The following GAS6 variants were observed in gnomAD, a reference collection of about 807,000 sequenced individuals.
GAS6 encodes growth arrest-specific protein 6.
In GAS6, 41 loss-of-function variants were observed where a neutral mutation model predicts 75.8. That is an observed-to-expected ratio of 0.54 (90% CI 0.42 to 0.70). The LOEUF is 0.70. GAS6 is among the 30% of genes least tolerant of loss of function. The probability of loss-of-function intolerance (pLI) is 0.00; values close to 1 mark genes in which losing one functional copy is unlikely to be tolerated. For synonymous variants in GAS6, 432 were observed against 412.6 expected (o/e 1.05, Z -0.57); for missense variants, 854 against 940.2 (o/e 0.91, Z 1.20).
intron 10 of GAS6, among the ~76,000 whole-genome samples, chr13:113,830,156 T>C (rs1343603508): frequency 3.3e-5 from 5 of 152,248 alleles, no homozygotes; most frequent in Non-Finnish European, 7.3e-5. Context: ...TCCTTCTTCC[T>C]GTGTGAAAAC....
In GAS6 at chr13:113,842,593, C is replaced by T. The variant is rs1194960627; in HGVS notation, c.344-2743G>A. 1.8e-5 allele frequency: 7 copies of T among 396,836 alleles called. 1 individual carries two copies. Among genetic ancestry groups the T allele is most frequent in the African/African-American group, 8.5e-5 (4 of 47,032 alleles). The allele number at this position is 396,836 out of a possible 1,614,324, so 24.6% of individuals were successfully genotyped here. ...TGGCCTGAACTAGAGAAATGAGGGGCGTATCCGCTTCTCCACCCTGGCCTC... is the reference window on the plus strand; with the variant it reads ...TGGCCTGAACTAGAGAAATGAGGGGTGTATCCGCTTCTCCACCCTGGCCTC... On this transcript the variant is annotated intron_variant, in intron 4 of 14. Coordinates refer to ENST00000327773, the MANE Select transcript of GAS6 (RefSeq NM_000820.4).
Position 113,838,201 on chromosome 13 carries a change from A to C in GAS6, c.467-10T>G. 1 of 1,612,160 alleles carries C rather than the reference A, an allele frequency of 6.2e-7. No homozygotes were observed. Among genetic ancestry groups the C allele is most frequent in the Non-Finnish European group, 8.5e-7 (1 of 1,179,762 alleles). ...CTGCATTCGTTGACATCTGGGAACA[A>C]GCACAGGCCTGAAGGGGAGCCCAAG... On this transcript the variant is annotated splice_polypyrimidine_tract_variant and intron_variant, in intron 5 of 14. Coordinates refer to ENST00000327773, the MANE Select transcript of GAS6 (RefSeq NM_000820.4).
Position 113,826,539 on chromosome 13 carries a change from C to CCAGCCT in GAS6, c.1477+456_1477+457insAGGCTG, listed in dbSNP as rs747292163. The stretch of plus-strand genomic sequence containing the variant: ...ACCTTCTCTCCCCGGCCTCCCGGCG[C>CCAGCCT]CGGCCTCGCAGGCACCTTCTCTCCC... On this transcript the variant is annotated intron_variant, in intron 12 of 14. Coordinates refer to ENST00000327773, the MANE Select transcript of GAS6 (RefSeq NM_000820.4). Among the ~76,000 whole-genome samples the CCAGCCT allele has an allele frequency of 2.0e-3, 121 of 60,144 alleles. 2 individuals carry two copies. The highest frequency in any genetic ancestry group is 0.012 in the African/African-American group (99 of 8,148). 39.5% of individuals were successfully genotyped at this position (60,144 alleles called of 152,430 possible). A position where few individuals can be genotyped will look rare whatever the true frequency, so the allele number is the denominator to read the frequency against.
chr13:113,843,201 T>G, intron 4 of GAS6: 1 of 220,300 alleles, frequency 4.5e-6, no homozygotes, highest in Non-Finnish European at 8.8e-6. Context: ...CTGATCCCCA[T>G]CCCGCAAGCT....
At chr13:113,859,257 T>C (rs765255360) in intron 2 of GAS6, among the ~76,000 whole-genome samples, 46 of 130,824 alleles carry the variant, frequency 3.5e-4, no homozygotes, top group Non-Finnish European at 5.2e-4. Flanking sequence ...TATGCATGTC[T>C]GTGTGACTGT....
chr13:113,830,782 C>T (rs1375480789), intron 10 of GAS6, among the ~76,000 whole-genome samples: 2 of 143,150 alleles, frequency 1.4e-5, no homozygotes, highest in African/African-American at 5.3e-5. Flanking sequence ...CGGGCCCCTC[C>T]TCCCCATGGC....
At position 113,832,644 on chromosome 13, in the gene GAS6, G is replaced by A; in HGVS notation, c.943C>T (p.Gln315Ter). The change falls in exon 9 of 15, where the codon CAG (glutamine) becomes TAG (stop). Residue 315 changes from glutamine (Q) to a stop codon, truncating the protein, a stop_gained. Coordinates refer to ENST00000327773, the MANE Select transcript of GAS6 (RefSeq NM_000820.4). LOFTEE classifies it high-confidence loss of function. ...PVIRLRFKRLQPTRLVAEFDF... is the reference protein window; with the variant it reads ...PVIRLRFKRL Reference sequence around the variant, plus strand: ...TGGACACCTCCTCACCTGGTGGGCTGCAGCCTCTTGAAGCGCAGTCGGATC... The same window carrying A: ...TGGACACCTCCTCACCTGGTGGGCTACAGCCTCTTGAAGCGCAGTCGGATC... 1 of 1,612,762 alleles carries A rather than the reference G, an allele frequency of 6.2e-7. No individual in the cohort carries two copies. Among genetic ancestry groups the A allele is most frequent in the Non-Finnish European group, 8.5e-7 (1 of 1,179,970 alleles).
At chr13:113,833,338 G>A in intron 8 of GAS6, 2 of 999,454 alleles carry the variant, frequency 2.0e-6, no homozygotes, top group Non-Finnish European at 2.4e-6. Flanking sequence ...AGAACCTCAA[G>A]GCGAGGGCTG....
intron 2 of GAS6, among the ~76,000 whole-genome samples, chr13:113,853,438 C>T: frequency 6.6e-6 from 1 of 152,210 alleles, no homozygotes; most frequent in East Asian, 1.9e-4. Context: ...TGCAAACACC[C>T]GATGTCAGTC....
chr13:113,825,492 T>C (rs1277314985), intron 12 of GAS6, among the ~76,000 whole-genome samples: 1 of 152,112 alleles, frequency 6.6e-6, no homozygotes, highest in Non-Finnish European at 1.5e-5. Flanking sequence ...ACTGGTATAG[T>C]TTGAGATTCA....
At chr13:113,840,377 G>A (rs991889039) in intron 4 of GAS6, 2 of 161,536 alleles carry the variant, frequency 1.2e-5, no homozygotes, top group Non-Finnish European at 2.7e-5. Context: ...CCCTCTCCAC[G>A]TGTCTTGATG....
At chr13:113,849,349 T>G (rs922050324) in intron 2 of GAS6, among the ~76,000 whole-genome samples, 2 of 152,104 alleles carry the variant, frequency 1.3e-5, no homozygotes, top group Non-Finnish European at 2.9e-5. Context: ...AGTCATGGGT[T>G]GGCAAACTCC....
Position 113,837,935 on chromosome 13 carries a change from C to T in GAS6, c.589+134G>A. 1 of 1,053,160 alleles carries T rather than the reference C, an allele frequency of 9.5e-7. No homozygotes were observed. Among genetic ancestry groups the T allele is most frequent in the South Asian group, 1.5e-5 (1 of 66,558 alleles). The allele number at this position is 1,053,160 out of a possible 1,614,324, so 65.2% of individuals were successfully genotyped here. A position where few individuals can be genotyped will look rare whatever the true frequency, so the allele number is the denominator to read the frequency against. On this transcript the variant is annotated intron_variant, in intron 6 of 14. Transcript: ENST00000327773. This position sits in a 1 kb window ranked among gnomAD's most constrained non-coding sequence, Gnocchi z 5.1. ...TGCGGCTGGCCTGGGCTTGTGTAGT[C>T]TCTGCAGGATGCCCCATCCCATCCA...
At chr13:113,858,839 CTGTT>C (rs1384262540) in intron 2 of GAS6, among the ~76,000 whole-genome samples, 2 of 135,516 alleles carry the variant, frequency 1.5e-5, no homozygotes, top group East Asian at 2.1e-4. Context: ...GTGTACATGT[CTGTT>C]AGTATGTGTG....
At chr13:113,846,378 A>G in intron 4 of GAS6, 149 bp downstream of exon 4, 1 of 592,534 alleles carries the variant, frequency 1.7e-6, no homozygotes, top group South Asian at 2.6e-5. Context: ...TTTAAAAAAG[A>G]AAGTTTGGCG....
intron 2 of GAS6, among the ~76,000 whole-genome samples, chr13:113,858,399 CTG>C (rs141955652): frequency 0.027 from 4,128 of 150,464 alleles, 81 homozygotes; most frequent in Non-Finnish European, 0.042. Flanking sequence ...GTGTGTGTGA[CTG>C]TGTGTTTACA....
Position 113,820,586 on chromosome 13 carries a change from T to TTAGAG in GAS6, c.*273_*277dup. 2.3e-6 allele frequency: 1 copy of TTAGAG among 440,536 alleles called. No individual in the cohort carries two copies. Among genetic ancestry groups the TTAGAG allele is most frequent in the African/African-American group, 1.9e-5 (1 of 51,838 alleles). The allele number at this position is 440,536 out of a possible 1,614,324, so 27.3% of individuals were successfully genotyped here. On this transcript the variant is annotated 3_prime_UTR_variant, in exon 15 of 15. Transcript: ENST00000327773. The stretch of plus-strand genomic sequence containing the variant: ...CTGTAAATATTTTATTTTCCATATT[T>TTAGAG]TAGAGTCAGAAAGAAGCGCTTGGTA...
chr13:113,831,546 C>T (rs529907059), intron 10 of GAS6, among the ~76,000 whole-genome samples: 1 of 152,174 alleles, frequency 6.6e-6, no homozygotes, highest in South Asian at 2.1e-4. Flanking sequence ...ACAGCATGGC[C>T]TCCAGACACA....
At position 113,823,142 on chromosome 13, in the gene GAS6, T is replaced by G. The variant is rs1204930830; in HGVS notation, c.1653+233A>C. On this transcript the variant is annotated intron_variant, in intron 13 of 14. Transcript: ENST00000327773. ...AAAAGCTCCCACACTGTGAGCCGAGTGTGGCTCGCAGGCGCCGGCCCCCTC... is the reference window on the plus strand; with the variant it reads ...AAAAGCTCCCACACTGTGAGCCGAGGGTGGCTCGCAGGCGCCGGCCCCCTC... The G allele has an allele frequency of 1.5e-5, 7 of 464,260 alleles. No individual in the cohort carries two copies. The East Asian group carries it at 2.4e-4, about 16-fold the overall frequency. 28.8% of individuals were successfully genotyped at this position (464,260 alleles called of 1,614,324 possible).
Sources: allele counts gnomAD v4.1 joint callset (sites outside exome capture counted in the v4.1 genomes callset), GRCh38; gene constraint gnomAD v4.1.1; non-coding constraint Gnocchi (gnomAD v3.1); transcripts MANE v1.5; gene names NCBI Gene and HGNC (gene_info 2026-07-23, HGNC 2026-07-21).